The following GDF5 variants were observed in gnomAD, a reference collection of about 807,000 sequenced individuals.
GDF5 encodes the protein growth differentiation factor 5, also known as growth/differentiation factor 5.
GDF5 carries 17 observed loss-of-function variants against 34.6 expected under a neutral mutation model. The observed-to-expected ratio is 0.49, with a 90% CI of 0.34 to 0.74. The LOEUF (loss-of-function observed/expected upper bound fraction) is 0.74. Among genes scored for constraint, GDF5 ranks in the 30% least tolerant of loss-of-function variants. The pLI is 0.01. For missense variants in GDF5, 616 were observed against 661.2 expected, an observed-to-expected ratio of 0.93 and a Z score of 0.75; for synonymous variants, 332 against 290.7, an observed-to-expected ratio of 1.14 and a Z score of -1.44.
chr20:35,445,241 C>T (rs1430435353), intron 1 of GDF5, among the ~76,000 whole-genome samples: 1 of 152,138 alleles, frequency 6.6e-6, no homozygotes, highest in Non-Finnish European at 1.5e-5. Context: ...CCTAGCTGGG[C>T]AAACCGGTAA....
chr20:35,435,613 T>C (rs1442946476), intron 1 of GDF5, among the ~76,000 whole-genome samples: 2 of 151,962 alleles, frequency 1.3e-5, no homozygotes, highest in African/African-American at 2.4e-5. Flanking sequence ...GTTATGCAGA[T>C]GAGGCACAGA....
chr20:35,449,537 G>A (rs753327508), intron 1 of GDF5, among the ~76,000 whole-genome samples: 1 of 152,204 alleles, frequency 6.6e-6, no homozygotes, highest in Non-Finnish European at 1.5e-5. Context: ...CACTGTGTGT[G>A]TGTGAACTAT....
In GDF5 at chr20:35,443,288, C is replaced by T. The variant is rs73094736; in HGVS notation, c.-397-1901G>A. Among the ~76,000 whole-genome samples the T allele has an allele frequency of 2.7e-3, 417 of 152,224 alleles. 3 individuals carry two copies. The highest frequency in any genetic ancestry group is 3.8e-3 in the Non-Finnish European group (260 of 68,008). ...GACATGTTTAATTACTGGGACACAG[C>T]GTCCCTGGGTCCCCCGTGTCCCCCA... On this transcript the variant is annotated intron_variant, in intron 1 of 3. Transcript: ENST00000374372.
rs777456851 is a variant in GDF5 at position 35,434,643 on chromosome 20, C to T, written c.772G>A (p.Gly258Arg). 1.9e-6 allele frequency: 3 copies of T among 1,608,424 alleles called. No homozygotes were observed. The highest frequency in any genetic ancestry group is 2.7e-5 in the African/African-American group (2 of 74,778). ...DTAKPAAPGG[G>R]RAAQLKLSSC... ...GACAGCTTCAGCTGGGCAGCCCGCC[C>T]GCCTCCGGGGGCCGCTGGCTTGGCC... Residue 258 changes from glycine to arginine, a missense_variant, in exon 2 of 2, where the codon GGG becomes AGG. Transcript: ENST00000374369.
In GDF5 at chr20:35,433,535, T is replaced by G. The variant is rs2062451827; in HGVS notation, c.*374A>C. The G allele has an allele frequency of 2.8e-6, 1 of 352,258 alleles. No homozygotes were observed. Among genetic ancestry groups the G allele is most frequent in the African/African-American group, 2.1e-5 (1 of 47,020 alleles). The allele number at this position is 352,258 out of a possible 1,614,324, so 21.8% of individuals were successfully genotyped here. On this transcript the variant is annotated 3_prime_UTR_variant, in exon 2 of 2. Coordinates refer to ENST00000374369, the MANE Select transcript of GDF5 (RefSeq NM_000557.5). ...TGTGATTTGAGGAGGCAGTGGCACC[T>G]GTGGCTCTCCTGAGAGGTGCTTAGG...
upstream of GDF5, among the ~76,000 whole-genome samples, chr20:35,438,824 C>CATGTGTGTGTGTGT: frequency 7.9e-6 from 1 of 126,490 alleles, no homozygotes; most frequent in Admixed American, 8.4e-5. Context: ...ATTTGTTATG[C>CATGTGTGTGTGTGT]GTGTGTGTGT....
Position 35,437,614 on chromosome 20 carries a change from T to G in GDF5, c.315A>C (p.Glu105Asp), listed in dbSNP as rs1187864593. The G allele has an allele frequency of 6.2e-7, 1 of 1,613,952 alleles. No homozygotes were observed. Among genetic ancestry groups the G allele is most frequent in the East Asian group, 2.2e-5 (1 of 44,862 alleles). The change falls in exon 1 of 2, where the codon GAA becomes GAC. Residue 105 changes from glutamate to aspartate, a missense_variant. Coordinates refer to ENST00000374369, the MANE Select transcript of GDF5 (RefSeq NM_000557.5). ...KKLPPRPGGP[E>D]PKPGHPPQTR... The stretch of plus-strand genomic sequence containing the variant: ...TTTGGGGAGGGTGTCCTGGCTTGGG[T>G]TCAGGGCCGCCCGGTCTGGGGGGCA...
At chr20:35,454,047 A>C (rs754055351) in intron 1 of GDF5, 173 of 532,828 alleles carry the variant, frequency 3.2e-4, no homozygotes, top group Non-Finnish European at 5.7e-4. Flanking sequence ...GGTGGAAACC[A>C]AGAGTCTGCA....
chr20:35,438,040 A>C lies in GDF5; in HGVS notation c.-112T>G, dbSNP rs2062482733. ...GTGGACTTTCAAAAGCAGCGGCAGC[A>C]GCAGTAGCAGCAGAAGGAAAGGCTT... On this transcript the variant is annotated 5_prime_UTR_variant, in exon 1 of 2. Transcript: ENST00000374369. 1 of 1,190,686 alleles carries C rather than the reference A, an allele frequency of 8.4e-7. No individual in the cohort carries two copies. Among genetic ancestry groups the C allele is most frequent in the African/African-American group, 1.5e-5 (1 of 65,360 alleles). The allele number at this position is 1,190,686 out of a possible 1,614,324, so 73.8% of individuals were successfully genotyped here.
chr20:35,433,822 C>T lies in GDF5; in HGVS notation c.*87G>A. On this transcript the variant is annotated 3_prime_UTR_variant, in exon 2 of 2. Transcript: ENST00000374369. ...ACCCAAGCTGTGTAGATGCTCCTGC[C>T]ACAGCTTCCTGACCCCTCTGTGATT... 8.8e-7 allele frequency: 1 copy of T among 1,135,656 alleles called. No homozygotes were observed. Among genetic ancestry groups the T allele is most frequent in the Non-Finnish European group, 1.3e-6 (1 of 748,130 alleles). 70.3% of individuals were successfully genotyped at this position (1,135,656 alleles called of 1,614,324 possible).
chr20:35,439,908 CTTTTTTTTT>C (rs34397706), upstream of GDF5, among the ~76,000 whole-genome samples: 1 of 71,634 alleles, frequency 1.4e-5, no homozygotes, highest in East Asian at 5.4e-4. Flanking sequence ...AGGCTTCCTT[CTTTTTTTTT>C]TTTTTTTTTT....
In GDF5 at chr20:35,434,036, G is replaced by T. The variant is rs969983573; in HGVS notation, c.1379C>A (p.Ser460Tyr). The T allele has an allele frequency of 2.5e-6, 4 of 1,614,176 alleles. No homozygotes were observed. The East Asian group carries it at 6.7e-5, about 27-fold the overall frequency. ...GGGCACACAGCAGGTGGGTGGTGTG[G>T]ACTCGGGGTCCATGGAGTTCATCAG... Reference protein sequence around the residue: ...QTLMNSMDPESTPPTCCVPTR... With the variant: ...QTLMNSMDPEYTPPTCCVPTR... The change falls in exon 2 of 2, where the codon TCC (serine) becomes TAC (tyrosine). Residue 460 changes from serine (S) to tyrosine (Y), a missense_variant. By Grantham distance (144) the Ser-to-Tyr change is moderately radical. Coordinates refer to ENST00000374369, the MANE Select transcript of GDF5 (RefSeq NM_000557.5).
At position 35,433,814 on chromosome 20, in the gene GDF5, G is replaced by A. The variant is rs778320296; in HGVS notation, c.*95C>T. ...CCCCTTTCACCCAAGCTGTGTAGATGCTCCTGCCACAGCTTCCTGACCCCT... is the reference window on the plus strand; with the variant it reads ...CCCCTTTCACCCAAGCTGTGTAGATACTCCTGCCACAGCTTCCTGACCCCT... On this transcript the variant is annotated 3_prime_UTR_variant, in exon 2 of 2. Coordinates refer to ENST00000374369, the MANE Select transcript of GDF5 (RefSeq NM_000557.5). 3.9e-6 allele frequency: 4 copies of A among 1,023,314 alleles called. No homozygotes were observed. The African/African-American group carries it at 4.8e-5, about 12-fold the overall frequency. The allele number at this position is 1,023,314 out of a possible 1,614,324, so 63.4% of individuals were successfully genotyped here.
At chr20:35,442,689 T>C (rs757258387), upstream of GDF5, among the ~76,000 whole-genome samples, 2 of 151,334 alleles carry the variant, frequency 1.3e-5, no homozygotes, top group Non-Finnish European at 2.9e-5. Flanking sequence ...GGACTACCGA[T>C]GCGCACCAAG....
At position 35,437,526 on chromosome 20, in the gene GDF5, G is replaced by C. The variant is rs759714847; in HGVS notation, c.403C>G (p.Pro135Ala). The C allele has an allele frequency of 2.5e-6, 4 of 1,614,028 alleles. No individual in the cohort carries two copies. Among genetic ancestry groups the C allele is most frequent in the South Asian group, 1.1e-5 (1 of 91,086 alleles). ...KGQLPGGKAP[P>A]KAGSVPSSFL... ...GAGCTGGGGACAGATCCTGCTTTTG[G>C]GGGTGCCTTGCCTCCGGGAAGCTGT... The change falls in exon 1 of 2, where the codon CCA becomes GCA. Residue 135 changes from proline (P) to alanine (A), a missense_variant. Physicochemically the swap from Pro to Ala is conservative, Grantham distance 27. Transcript: ENST00000374369.
intron 1 of GDF5, among the ~76,000 whole-genome samples, chr20:35,451,064 A>AATATAT (rs1555824832): frequency 1.3e-4 from 9 of 69,102 alleles, no homozygotes; most frequent in African/African-American, 6.1e-4. Context: ...AAAAAAAAAA[A>AATATAT]ATATATATAT....
upstream of GDF5, chr20:35,441,388 CT>C (rs2062497357): frequency 6.8e-6 from 1 of 148,100 alleles, no homozygotes; most frequent in South Asian, 2.1e-4. Flanking sequence ...CCTGTCTCTA[CT>C]AAAAAAATAA....
intron 1 of GDF5, among the ~76,000 whole-genome samples, chr20:35,445,813 A>T (rs908980774): frequency 6.6e-6 from 1 of 150,472 alleles, no homozygotes; most frequent in Non-Finnish European, 1.5e-5. Flanking sequence ...TCTACTAAAA[A>T]TACAAAATTA....
At position 35,434,576 on chromosome 20, in the gene GDF5, A is replaced by G. The variant is rs1463671236; in HGVS notation, c.839T>C (p.Val280Ala). The change falls in exon 2 of 2, where the codon GTG becomes GCG. Residue 280 changes from valine (V) to alanine (A), a missense_variant. Physicochemically the swap from Val to Ala is moderately conservative, Grantham distance 64 (BLOSUM62 0). Coordinates refer to ENST00000374369, the MANE Select transcript of GDF5 (RefSeq NM_000557.5). ...SGRQPAALLD[V>A]RSVPGLDGSG... The stretch of plus-strand genomic sequence containing the variant: ...TCCGTCCAGGCCTGGCACGGAGCGC[A>G]CATCCAGCAAGGCGGCCGGCTGCCG... 2 of 1,587,936 alleles carry G rather than the reference A, an allele frequency of 1.3e-6. No homozygotes were observed. Among genetic ancestry groups the G allele is most frequent in the Non-Finnish European group, 1.7e-6 (2 of 1,165,542 alleles).
Sources: gnomAD v4.1 joint callset for allele counts (sites outside exome capture counted in the v4.1 genomes callset) on GRCh38, gnomAD v4.1.1 for gene constraint, MANE v1.5 for transcripts, NCBI Gene and HGNC (gene_info 2026-07-23, HGNC 2026-07-21) for gene names.